C8orf74: variants seen among roughly 807,000 people sequenced by gnomAD.
C8orf74 encodes the protein chromosome 8 open reading frame 74, also known as uncharacterized protein C8orf74.
Under a neutral mutation model 22.2 loss-of-function variants are expected in C8orf74, and 29 were observed. The observed-to-expected ratio is 1.31, with a 90% confidence interval of 0.97 to 1.78. C8orf74 has a LOEUF of 1.78. Ranked by LOEUF, C8orf74 falls within the 40% of genes most tolerant of loss-of-function variation. The pLI is 0.00. For missense variants in C8orf74, 515 were observed against 369.9 expected (o/e 1.39, Z -3.22); for synonymous variants, 255 against 163.1 (o/e 1.56, Z -4.30).
chr8:10,683,111 G>C (rs553031571), intron 2 of C8orf74, among the ~76,000 whole-genome samples: 5 of 152,226 alleles, frequency 3.3e-5, no homozygotes, highest in Non-Finnish European at 7.3e-5. Context: ...CAGCCCAGGA[G>C]ACCCCCATGG....
intron 2 of C8orf74, among the ~76,000 whole-genome samples, chr8:10,693,365 G>C (rs114293960): frequency 0.021 from 3,243 of 152,218 alleles, 113 homozygotes; most frequent in African/African-American, 0.069. Context: ...CATGTGTGCT[G>C]CCAACCCCAC....
chr8:10,679,626 T>A (rs1450373094), intron 2 of C8orf74, among the ~76,000 whole-genome samples: 4 of 152,234 alleles, frequency 2.6e-5, no homozygotes, highest in African/African-American at 9.6e-5. Flanking sequence ...CACCCAGAGC[T>A]GATCTTGGCC....
At chr8:10,697,500 G>A (rs1195287634) in intron 2 of C8orf74, 99 bp from the exon 3 acceptor site, 23 of 995,558 alleles carry the variant, frequency 2.3e-5, no homozygotes, top group Non-Finnish European at 3.2e-5. Flanking sequence ...GGGGACATGG[G>A]CTCTGTGACC....
chr8:10,674,878 G>A, intron 2 of C8orf74, 40 bp downstream of exon 2: 4 of 1,519,146 alleles, frequency 2.6e-6, no homozygotes, highest in African/African-American at 1.4e-5. Context: ...GAGGCTGGCG[G>A]GATGGGGTGG....
intron 2 of C8orf74, among the ~76,000 whole-genome samples, chr8:10,696,787 T>A (rs1799511065): frequency 6.6e-6 from 1 of 152,082 alleles, no homozygotes; most frequent in African/African-American, 2.4e-5. Context: ...TTTTCTACAT[T>A]CTCATCTCCT....
At chr8:10,696,958 G>GAAAAAAAA (rs60560452) in intron 2 of C8orf74, among the ~76,000 whole-genome samples, 1 of 104,324 alleles carries the variant, frequency 9.6e-6, no homozygotes. Flanking sequence ...CCAGGAGTTC[G>GAAAAAAAA]AAAAAAAAAA....
intron 2 of C8orf74, 98 bp from the exon 3 acceptor site, chr8:10,697,501 C>T: frequency 9.9e-7 from 1 of 1,009,400 alleles, no homozygotes; most frequent in South Asian, 1.5e-5. Flanking sequence ...GGGACATGGG[C>T]TCTGTGACCA....
At chr8:10,690,827 C>T (rs1189517657) in intron 2 of C8orf74, 3 of 455,562 alleles carry the variant, frequency 6.6e-6, no homozygotes, top group Admixed American at 2.4e-5. Flanking sequence ...CCCTTCCCCT[C>T]CTCATTCCTC....
intron 2 of C8orf74, among the ~76,000 whole-genome samples, chr8:10,684,763 C>A (rs983016967): frequency 2.8e-4 from 43 of 152,190 alleles, no homozygotes; most frequent in Non-Finnish European, 1.5e-4. Flanking sequence ...TGTTTCCTTA[C>A]GAAATCGAGA....
At chr8:10,682,141 G>C (rs1015491086) in intron 2 of C8orf74, among the ~76,000 whole-genome samples, 1 of 152,136 alleles carries the variant, frequency 6.6e-6, no homozygotes, top group East Asian at 1.9e-4. Context: ...CTGCAGCCTG[G>C]GAAAGGCCTC....
intron 2 of C8orf74, among the ~76,000 whole-genome samples, chr8:10,694,381 A>G (rs1337595268): frequency 6.6e-6 from 1 of 152,126 alleles, no homozygotes; most frequent in Non-Finnish European, 1.5e-5. Context: ...TTAGAAGGTT[A>G]TTTTGCCAAG....
intron 2 of C8orf74, among the ~76,000 whole-genome samples, chr8:10,696,121 C>T (rs1357374442): frequency 6.6e-6 from 1 of 152,016 alleles, no homozygotes; most frequent in Non-Finnish European, 1.5e-5. Flanking sequence ...GCATGTAATT[C>T]AGTCACGACC....
chr8:10,694,945 T>C (rs1799458424), intron 2 of C8orf74, among the ~76,000 whole-genome samples: 1 of 151,044 alleles, frequency 6.6e-6, no homozygotes, highest in Admixed American at 6.6e-5. Flanking sequence ...GTTGGGTGCA[T>C]AGATGGGTGG....
At chr8:10,677,688 C>A (rs1799062195) in intron 2 of C8orf74, among the ~76,000 whole-genome samples, 1 of 152,056 alleles carries the variant, frequency 6.6e-6, no homozygotes. Flanking sequence ...TTGTGTTTGC[C>A]AGTATTATTC....
intron 2 of C8orf74, 42 bp downstream of exon 2, chr8:10,674,880 A>T: frequency 6.6e-7 from 1 of 1,521,444 alleles, no homozygotes; most frequent in Non-Finnish European, 8.9e-7. Flanking sequence ...GGCTGGCGGG[A>T]TGGGGTGGGT....
intron 2 of C8orf74, among the ~76,000 whole-genome samples, chr8:10,676,048 A>G (rs1367987224): frequency 6.6e-6 from 1 of 152,122 alleles, no homozygotes; most frequent in East Asian, 1.9e-4. Flanking sequence ...TTTAGGAGAT[A>G]CACGTGAAAG....
At chr8:10,681,564 T>C (rs1799149280) in intron 2 of C8orf74, among the ~76,000 whole-genome samples, 1 of 152,160 alleles carries the variant, frequency 6.6e-6, no homozygotes, top group Admixed American at 6.5e-5. Flanking sequence ...CAGCCTCCCC[T>C]GCTTCAGGCT....
chr8:10,674,819 G>T lies in C8orf74; in HGVS notation c.222G>T (p.Glu74Asp). Reference protein sequence around the residue: ...EVAQVVKFTEELLRETKGCSI... With the variant: ...EVAQVVKFTEDLLRETKGCSI... Reference sequence around the variant, plus strand: ...CCCAGGTGGTCAAGTTCACAGAAGAGCTGCTAAGGGAAACCAAAGGTATGG... The same window carrying T: ...CCCAGGTGGTCAAGTTCACAGAAGATCTGCTAAGGGAAACCAAAGGTATGG... The change falls in exon 2 of 4, where the codon GAG becomes GAT. Residue 74 changes from glutamate (E) to aspartate (D), a missense_variant. Coordinates refer to ENST00000304519, the MANE Select transcript of C8orf74 (RefSeq NM_001040032.2). The T allele has an allele frequency of 6.2e-7, 1 of 1,602,338 alleles. No individual in the cohort carries two copies. The highest frequency in any genetic ancestry group is 1.3e-5 in the African/African-American group (1 of 74,816).
At chr8:10,682,079 G>A (rs961706078) in intron 2 of C8orf74, among the ~76,000 whole-genome samples, 1 of 152,120 alleles carries the variant, frequency 6.6e-6, no homozygotes, top group Admixed American at 6.5e-5. Context: ...CCCTCACATC[G>A]GGGAGCCTCC....
Sources: gnomAD v4.1 joint callset for allele counts (sites outside exome capture counted in the v4.1 genomes callset) on GRCh38, gnomAD v4.1.1 for gene constraint, MANE v1.5 for transcripts, NCBI Gene and HGNC (gene_info 2026-07-23, HGNC 2026-07-21) for gene names.